The following CCDC171 variants were observed in gnomAD, a reference collection of about 807,000 sequenced individuals.
CCDC171 encodes coiled-coil domain containing 171.
A neutral mutation model predicts 168.2 loss-of-function variants in CCDC171; 177 were observed. That is an observed-to-expected ratio of 1.05 (90% CI 0.93 to 1.19). The LOEUF (loss-of-function observed/expected upper bound fraction) is 1.19, where lower values mean the gene tolerates loss of function less well. Among genes scored for constraint, CCDC171 ranks in the 50% most tolerant of loss-of-function variants. The pLI is 0.00. For missense variants in CCDC171, 1,991 were observed against 1,539.0 expected (o/e 1.29, Z -4.91); for synonymous variants, 687 against 540.8 (o/e 1.27, Z -3.75).
At chr9:15,670,424 C>T (rs2049030379) in intron 9 of CCDC171, among the ~76,000 whole-genome samples, 1 of 152,148 alleles carries the variant, frequency 6.6e-6, no homozygotes, top group Non-Finnish European at 1.5e-5. Context: ...TGAAAAACAG[C>T]AGTTTCATGC....
intron 10 of CCDC171, among the ~76,000 whole-genome samples, chr9:15,689,203 GAAATT>G (rs2050617409): frequency 1.3e-5 from 2 of 152,126 alleles, no homozygotes; most frequent in Admixed American, 6.6e-5. Context: ...ATCATGGAAA[GAAATT>G]AAACAAGGTC....
At chr9:15,993,270 G>A (rs575253631) in intron 3 of CCDC171, among the ~76,000 whole-genome samples, 1 of 152,204 alleles carries the variant, frequency 6.6e-6, no homozygotes, top group East Asian at 1.9e-4. Context: ...GAACAGAACA[G>A]AGCCCTCAGA....
intron 16 of CCDC171, among the ~76,000 whole-genome samples, chr9:15,741,392 G>A (rs372012729): frequency 6.6e-6 from 1 of 152,214 alleles, no homozygotes; most frequent in East Asian, 1.9e-4. Context: ...TACAAATGTG[G>A]CCTTTTGTGT....
chr9:15,600,242 C>A (rs1349998064), intron 6 of CCDC171, among the ~76,000 whole-genome samples: 2 of 152,138 alleles, frequency 1.3e-5, no homozygotes, highest in African/African-American at 4.8e-5. Flanking sequence ...TTTTTCTGCT[C>A]TGTTTTTTCC....
upstream of CCDC171, among the ~76,000 whole-genome samples, chr9:16,038,887 T>G (rs1415401193): frequency 9.5e-6 from 1 of 105,206 alleles, no homozygotes; most frequent in Non-Finnish European, 2.1e-5. Flanking sequence ...AAAAAAAAGC[T>G]GAATATAGTT....
intron 23 of CCDC171, among the ~76,000 whole-genome samples, chr9:15,861,051 G>T (rs886520934): frequency 2.8e-5 from 1 of 35,212 alleles, no homozygotes; most frequent in Non-Finnish European, 5.4e-5. Flanking sequence ...ACAGTTTTTG[G>T]CTTCTAATCC....
At chr9:15,993,433 A>T (rs1474285577) in intron 3 of CCDC171, among the ~76,000 whole-genome samples, 1 of 152,244 alleles carries the variant, frequency 6.6e-6, no homozygotes, top group Non-Finnish European at 1.5e-5. Flanking sequence ...CAGCTTATAC[A>T]AAAATTATTT....
At chr9:16,095,792 AG>A in the CCDC171 span, among the ~76,000 whole-genome samples, 1 of 150,776 alleles carries the variant, frequency 6.6e-6, no homozygotes, top group Admixed American at 6.6e-5. Context: ...AATACTTCAT[AG>A]GGCTATTTCG....
chr9:15,949,288 A>T (rs1828823584), intron 25 of CCDC171, among the ~76,000 whole-genome samples: 1 of 151,980 alleles, frequency 6.6e-6, no homozygotes, highest in Non-Finnish European at 1.5e-5. Flanking sequence ...TTGGCTTGGG[A>T]TTGACTTGGC....
At chr9:15,960,125 C>T (rs1830202469) in intron 25 of CCDC171, among the ~76,000 whole-genome samples, 1 of 152,112 alleles carries the variant, frequency 6.6e-6, no homozygotes, top group Non-Finnish European at 1.5e-5. Flanking sequence ...TTTGTATCCA[C>T]AGAATAATGA....
chr9:15,800,451 T>C (rs1251878330), intron 21 of CCDC171, among the ~76,000 whole-genome samples: 1 of 152,122 alleles, frequency 6.6e-6, no homozygotes, highest in African/African-American at 2.4e-5. Context: ...CATTTTAAAA[T>C]CAGATTATTA....
chr9:15,994,027 G>A (rs1454567992), intron 3 of CCDC171, among the ~76,000 whole-genome samples: 1 of 152,166 alleles, frequency 6.6e-6, no homozygotes, highest in South Asian at 2.1e-4. Flanking sequence ...AAGACAGTGT[G>A]GCTATTCCTT....
chr9:15,754,169 T>C (rs778012572), intron 18 of CCDC171, among the ~76,000 whole-genome samples: 17 of 152,308 alleles, frequency 1.1e-4, no homozygotes, highest in Non-Finnish European at 1.8e-4. Flanking sequence ...TATATAGTCA[T>C]GTGGAGTTTC....
Position 15,779,008 on chromosome 9 carries a change from C to T in CCDC171, c.2939C>T (p.Thr980Ile). 6.4e-7 allele frequency: 1 copy of T among 1,573,488 alleles called. No individual in the cohort carries two copies. The highest frequency in any genetic ancestry group is 8.6e-7 in the Non-Finnish European group (1 of 1,162,488). Residue 980 changes from threonine to isoleucine, a missense_variant, in exon 20 of 26, where the codon ACA becomes ATA. Physicochemically the swap from Thr to Ile is moderately conservative, Grantham distance 89 (BLOSUM62 -1). Coordinates refer to ENST00000380701, the MANE Select transcript of CCDC171 (RefSeq NM_173550.4). ...TTGCAGAAGCAAATACTTGGATTTA[C>T]ACAAAGACTGCATGCTGCAGAAGTG... Reference protein sequence around the residue: ...ASLQKQILGFTQRLHAAEVER... With the variant: ...ASLQKQILGFIQRLHAAEVER...
intron 9 of CCDC171, among the ~76,000 whole-genome samples, chr9:15,674,458 T>C (rs1564186618): frequency 6.6e-6 from 1 of 152,194 alleles, no homozygotes. Context: ...TGTTAGGGTG[T>C]CGATTGTAGA....
chr9:15,924,322 G>T (rs1825662513), intron 25 of CCDC171, among the ~76,000 whole-genome samples: 2 of 151,260 alleles, frequency 1.3e-5, no homozygotes, highest in African/African-American at 2.4e-5. Flanking sequence ...TAACTATGTG[G>T]CTTGCATGTC....
At position 15,968,695 on chromosome 9, in the gene CCDC171, C is replaced by T. The variant is rs186549863; in HGVS notation, c.3754-2914C>T. ...CTGAGTAGCTGGGATTACAGGCGCC[C>T]GCCCAACTGATTTTTATATTTTTAG... is the stretch of plus-strand genomic sequence containing the variant. On this transcript the variant is annotated intron_variant, in intron 25 of 25. Coordinates refer to ENST00000380701, the MANE Select transcript of CCDC171 (RefSeq NM_173550.4). Among the ~76,000 whole-genome samples the T allele has an allele frequency of 7.1e-3, 1,081 of 151,936 alleles. 6 individuals are homozygous for T. The highest frequency in any genetic ancestry group is 0.014 in the Admixed American group (212 of 15,230).
At chr9:15,597,067 G>A (rs1199296266) in intron 6 of CCDC171, among the ~76,000 whole-genome samples, 6 of 152,132 alleles carry the variant, frequency 3.9e-5, no homozygotes, top group South Asian at 2.1e-4. Context: ...GGGTTTTCTA[G>A]TTATACAATC....
chr9:15,622,267 A>T (rs2044571090), intron 6 of CCDC171, among the ~76,000 whole-genome samples: 1 of 152,202 alleles, frequency 6.6e-6, no homozygotes, highest in Admixed American at 6.5e-5. Flanking sequence ...CTACACATGT[A>T]CCCATGAACC....
Sources: allele counts gnomAD v4.1 joint callset (sites outside exome capture counted in the v4.1 genomes callset), GRCh38; gene constraint gnomAD v4.1.1; transcripts MANE v1.5; gene names NCBI Gene and HGNC (gene_info 2026-07-23, HGNC 2026-07-21).